PDZD2: variants seen among roughly 807,000 people sequenced by gnomAD.
The protein encoded by PDZD2 is PDZ domain containing 2.
In PDZD2, 90 loss-of-function variants were observed where a neutral mutation model predicts 220.7. That is an observed-to-expected ratio of 0.41 (90% CI 0.34 to 0.49). The LOEUF (loss-of-function observed/expected upper bound fraction) is 0.49, where lower values mean the gene tolerates loss of function less well. Ranked by LOEUF, PDZD2 falls within the 20% of genes least tolerant of loss-of-function variation. The pLI, the probability that PDZD2 is intolerant of heterozygous loss-of-function variation, is 0.28. For missense variants in PDZD2, 3,174 were observed against 3,608.5 expected (o/e 0.88, Z 3.08); for synonymous variants, 1,375 against 1,450.5 (o/e 0.95, Z 1.18).
chr5:32,072,546 C>T (rs578150986), intron 17 of PDZD2, among the ~76,000 whole-genome samples: 6 of 152,172 alleles, frequency 3.9e-5, no homozygotes, highest in Non-Finnish European at 8.8e-5. Flanking sequence ...GCCTGGCTAA[C>T]ATGGTGAAAC....
chr5:31,810,555 A>G lies in PDZD2; in HGVS notation c.476+10831A>G, dbSNP rs141526689. Reference sequence around the variant, plus strand: ...GCTGGGATTACAGGCTTGAGCCACCACGACCAGCCGCCTCCAGAGATTTTT... The same window carrying G: ...GCTGGGATTACAGGCTTGAGCCACCGCGACCAGCCGCCTCCAGAGATTTTT... On this transcript the variant is annotated intron_variant, in intron 2 of 24. Coordinates refer to ENST00000438447, the MANE Select transcript of PDZD2 (RefSeq NM_178140.4). 1.8e-3 allele frequency among the ~76,000 whole-genome samples: 275 copies of G among 152,138 alleles called. 1 individual carries two copies. The highest frequency in any genetic ancestry group is 0.017 in the East Asian group (87 of 5,162).
intron 2 of PDZD2, among the ~76,000 whole-genome samples, chr5:31,817,788 C>A (rs1755562668): frequency 6.6e-6 from 1 of 152,002 alleles, no homozygotes; most frequent in African/African-American, 2.4e-5. Flanking sequence ...CTCAGCCTCC[C>A]AGGTAGCTGG....
intron 6 of PDZD2, among the ~76,000 whole-genome samples, chr5:32,011,551 T>C (rs931271601): frequency 3.9e-5 from 6 of 152,100 alleles, no homozygotes; most frequent in Non-Finnish European, 8.8e-5. Context: ...GTCCCAAATC[T>C]GAAAGATGTG....
At chr5:31,727,011 G>A (rs1749186723) in intron 1 of PDZD2, among the ~76,000 whole-genome samples, 1 of 152,120 alleles carries the variant, frequency 6.6e-6, no homozygotes, top group Non-Finnish European at 1.5e-5. Flanking sequence ...GCAGGAGCAT[G>A]CGAGAGAGAG....
chr5:31,929,564 G>A (rs1228760495), intron 2 of PDZD2, among the ~76,000 whole-genome samples: 1 of 152,158 alleles, frequency 6.6e-6, no homozygotes, highest in Admixed American at 6.5e-5. Flanking sequence ...AAAGAGCAGT[G>A]GAAGGCCAGG....
At chr5:31,802,357 G>C (rs959658706) in intron 2 of PDZD2, among the ~76,000 whole-genome samples, 6 of 152,180 alleles carry the variant, frequency 3.9e-5, no homozygotes, top group African/African-American at 1.4e-4. Flanking sequence ...GGATGCCGCA[G>C]TGATAACTGG....
At chr5:31,663,560 T>C (rs903619445) in intron 1 of PDZD2, among the ~76,000 whole-genome samples, 1 of 152,228 alleles carries the variant, frequency 6.6e-6, no homozygotes, top group East Asian at 1.9e-4. Flanking sequence ...CTGTTGAAAT[T>C]GGCAGGCCCA....
At chr5:31,964,925 T>C (rs1261258459) in intron 2 of PDZD2, among the ~76,000 whole-genome samples, 2 of 152,128 alleles carry the variant, frequency 1.3e-5, no homozygotes, top group Non-Finnish European at 2.9e-5. Context: ...CACTGTACCG[T>C]GTTAGCCAGG....
At chr5:32,059,834 G>C (rs1739506506) in intron 13 of PDZD2, among the ~76,000 whole-genome samples, 1 of 152,118 alleles carries the variant, frequency 6.6e-6, no homozygotes, top group African/African-American at 2.4e-5. Flanking sequence ...ATTCCTTGTT[G>C]AATGGCCATG....
chr5:32,077,548 C>T lies in PDZD2; in HGVS notation c.3624C>T (p.Ser1208=). ...LASALSHLDA[S]HLTENLPKAA... Reference sequence around the variant, plus strand: ...GTGCTCTGTCCCATCTGGATGCCAGCCACCTCACAGAGAACCTGCCCAAAG... The same window carrying T: ...GTGCTCTGTCCCATCTGGATGCCAGTCACCTCACAGAGAACCTGCCCAAAG... The change falls in exon 19 of 25, where the codon AGC becomes AGT. Residue 1208 remains serine, a synonymous_variant. Transcript: ENST00000438447. 1.2e-6 allele frequency: 2 copies of T among 1,614,076 alleles called. No individual in the cohort carries two copies. Among genetic ancestry groups the T allele is most frequent in the Non-Finnish European group, 1.7e-6 (2 of 1,179,930 alleles).
At chr5:31,725,837 C>T (rs1749093470) in intron 1 of PDZD2, 1 of 811,236 alleles carries the variant, frequency 1.2e-6, no homozygotes, top group Non-Finnish European at 2.2e-6. Flanking sequence ...TCTCTCATTG[C>T]CGGAATGGCT....
chr5:31,728,874 A>G (rs1251461716), intron 1 of PDZD2, among the ~76,000 whole-genome samples: 1 of 150,400 alleles, frequency 6.6e-6, no homozygotes, highest in African/African-American at 2.5e-5. Context: ...TTTGAGACAG[A>G]GTCTCTCTCT....
At chr5:32,078,039 CT>C (rs1254346909) in intron 19 of PDZD2, 1 of 191,888 alleles carries the variant, frequency 5.2e-6, no homozygotes, top group Non-Finnish European at 1.1e-5. Flanking sequence ...TAAATACTGC[CT>C]GCATTTAGCA....
At chr5:31,757,905 C>T (rs766214133) in intron 1 of PDZD2, among the ~76,000 whole-genome samples, 1 of 152,218 alleles carries the variant, frequency 6.6e-6, no homozygotes, top group Non-Finnish European at 1.5e-5. Flanking sequence ...TGGGCCCAGC[C>T]CAGCTTCATG....
chr5:31,803,001 G>A (rs1195260382), intron 2 of PDZD2, among the ~76,000 whole-genome samples: 1 of 150,748 alleles, frequency 6.6e-6, no homozygotes, highest in Admixed American at 6.6e-5. Flanking sequence ...CAGGAGGCAC[G>A]CCACACCACA....
chr5:31,979,786 C>T (rs1750135297), intron 2 of PDZD2, among the ~76,000 whole-genome samples: 2 of 152,058 alleles, frequency 1.3e-5, no homozygotes, highest in South Asian at 4.1e-4. Flanking sequence ...CAGGGTTGAC[C>T]GTGACTTAAA....
At chr5:32,030,441 A>C (rs1031017839) in intron 6 of PDZD2, among the ~76,000 whole-genome samples, 1 of 152,228 alleles carries the variant, frequency 6.6e-6, no homozygotes, top group Non-Finnish European at 1.5e-5. Context: ...ATTTTGGGGC[A>C]GTAATTGGAT....
chr5:31,928,712 A>G (rs550604074), intron 2 of PDZD2, among the ~76,000 whole-genome samples: 1 of 152,236 alleles, frequency 6.6e-6, no homozygotes, highest in South Asian at 2.1e-4. Context: ...CTGACCCCAG[A>G]TGATCCACCT....
intron 24 of PDZD2, among the ~76,000 whole-genome samples, chr5:32,105,627 G>GA (rs776265084): frequency 6.2e-4 from 95 of 152,234 alleles, no homozygotes; most frequent in Non-Finnish European, 1.3e-3. Flanking sequence ...AGTGTTGAAT[G>GA]AAAAAAAGCC....
Sources: allele counts gnomAD v4.1 joint callset (sites outside exome capture counted in the v4.1 genomes callset), GRCh38; gene constraint gnomAD v4.1.1; transcripts MANE v1.5; gene names NCBI Gene and HGNC (gene_info 2026-07-23, HGNC 2026-07-21).